Variants in MAD1L1 observed in about 807,000 individuals in gnomAD.
MAD1L1 encodes the protein mitotic arrest deficient 1 like 1, also known as mitotic spindle assembly checkpoint protein MAD1.
In MAD1L1, 95 loss-of-function variants were observed where a neutral mutation model predicts 96.9. That is an observed-to-expected ratio of 0.98 (90% CI 0.83 to 1.16). The LOEUF is 1.16. MAD1L1 is among the 50% of genes most tolerant of loss of function. MAD1L1 has a pLI of 0.00. For synonymous variants in MAD1L1, 473 were observed against 396.6 expected (o/e 1.19, Z -2.29); for missense variants, 1,007 against 954.4 (o/e 1.06, Z -0.73).
intron 11 of MAD1L1, among the ~76,000 whole-genome samples, chr7:2,144,907 A>G (rs1387841739): frequency 6.6e-6 from 1 of 152,188 alleles, no homozygotes; most frequent in Non-Finnish European, 1.5e-5. Context: ...AAAGAGGCCC[A>G]GGATCTCTGA....
intron 11 of MAD1L1, among the ~76,000 whole-genome samples, chr7:2,128,124 T>A (rs1788326048): frequency 6.6e-6 from 1 of 152,220 alleles, no homozygotes; most frequent in Non-Finnish European, 1.5e-5. Context: ...GAGGAGCTGC[T>A]GACGCCCTCC....
intron 12 of MAD1L1, among the ~76,000 whole-genome samples, chr7:2,052,651 C>T (rs748704935): frequency 6.6e-6 from 1 of 152,180 alleles, no homozygotes; most frequent in Non-Finnish European, 1.5e-5. Flanking sequence ...CAGGTCATAC[C>T]TATCCTTTTT....
intron 11 of MAD1L1, among the ~76,000 whole-genome samples, chr7:2,140,795 A>G (rs2128574312): frequency 6.6e-6 from 1 of 152,342 alleles, no homozygotes; most frequent in South Asian, 2.1e-4. Flanking sequence ...ACAATCTCCT[A>G]TGGCAACTGC....
intron 16 of MAD1L1, among the ~76,000 whole-genome samples, chr7:1,937,324 G>A (rs1354339661): frequency 1.3e-5 from 2 of 152,200 alleles, no homozygotes; most frequent in East Asian, 1.9e-4. Flanking sequence ...CCTGGAAGGT[G>A]CCCCGTGCCA....
intron 16 of MAD1L1, among the ~76,000 whole-genome samples, chr7:1,943,569 G>C (rs1779096772): frequency 6.6e-6 from 1 of 152,194 alleles, no homozygotes; most frequent in South Asian, 2.1e-4. Context: ...TCACAGCCAG[G>C]TATCACTTTG....
chr7:1,904,233 C>G (rs562683811), intron 17 of MAD1L1, among the ~76,000 whole-genome samples: 1 of 144,748 alleles, frequency 6.9e-6, no homozygotes, highest in African/African-American at 2.8e-5. Context: ...ATTGAAGAAG[C>G]TCTTGCGGAA....
At chr7:1,994,647 C>T (rs1156303174) in intron 14 of MAD1L1, among the ~76,000 whole-genome samples, 1 of 152,036 alleles carries the variant, frequency 6.6e-6, no homozygotes, top group Non-Finnish European at 1.5e-5. Context: ...GGCCACCGGG[C>T]GGAGCCTCGG....
chr7:2,145,543 A>C (rs919617141), intron 11 of MAD1L1, among the ~76,000 whole-genome samples: 3 of 152,260 alleles, frequency 2.0e-5, no homozygotes, highest in African/African-American at 7.2e-5. Context: ...CAATGCTAGG[A>C]AAATTCCTTC....
At chr7:2,090,005 G>A (rs56143050) in intron 11 of MAD1L1, among the ~76,000 whole-genome samples, 4,118 of 152,328 alleles carry the variant, frequency 0.027, 96 homozygotes, top group South Asian at 0.089. Flanking sequence ...GCTATGCAAC[G>A]AAAGCTTTGA....
intron 18 of MAD1L1, among the ~76,000 whole-genome samples, chr7:1,828,141 C>A (rs188763269): frequency 1.3e-5 from 2 of 152,034 alleles, no homozygotes; most frequent in African/African-American, 4.8e-5. Flanking sequence ...CCTCAGAGGG[C>A]GGCCGGCAGC....
chr7:2,029,628 G>A (rs765550329), intron 12 of MAD1L1, among the ~76,000 whole-genome samples: 2 of 152,094 alleles, frequency 1.3e-5, no homozygotes, highest in Non-Finnish European at 2.9e-5. Flanking sequence ...GTGGTTGTAA[G>A]TCCCATTTAC....
At chr7:1,838,662 G>GA in intron 18 of MAD1L1, 3 of 432,276 alleles carry the variant, frequency 6.9e-6, no homozygotes, top group Admixed American at 4.9e-5. Context: ...GGCTGCCGAC[G>GA]GCTGGGACTG....
intron 11 of MAD1L1, among the ~76,000 whole-genome samples, chr7:2,087,714 G>C (rs1451497996): frequency 6.6e-6 from 1 of 152,192 alleles, no homozygotes; most frequent in African/African-American, 2.4e-5. Context: ...CTTGGGAAGA[G>C]ACAGGATCCT....
At position 1,941,776 on chromosome 7, in the gene MAD1L1, G is replaced by A. The variant is rs764103791; in HGVS notation, c.1597-4879C>T. On this transcript the variant is annotated intron_variant, in intron 16 of 18. Coordinates refer to ENST00000265854, the MANE Select transcript of MAD1L1 (RefSeq NM_001013836.2). ...TGCGGCTGGGGCTGGAGCGACCTGC[G>A]ATGGCACCGCTGACCAGGGCTGAGA... Among the ~76,000 whole-genome samples, 8 of 152,352 alleles carry A rather than the reference G, an allele frequency of 5.3e-5. No individual in the cohort carries two copies. The South Asian group carries it at 6.2e-4, about 12-fold the overall frequency.
At chr7:1,880,925 G>A (rs1364562966) in intron 18 of MAD1L1, among the ~76,000 whole-genome samples, 1 of 152,252 alleles carries the variant, frequency 6.6e-6, no homozygotes, top group Non-Finnish European at 1.5e-5. Flanking sequence ...GGAGCCTGGA[G>A]CCTGGAGGGG....
intron 17 of MAD1L1, among the ~76,000 whole-genome samples, chr7:1,899,934 C>G (rs997163809): frequency 5.3e-5 from 8 of 152,340 alleles, no homozygotes; most frequent in Middle Eastern, 3.4e-3. Flanking sequence ...GGTTTCAGCT[C>G]GGCTCTGCCT....
rs956305975 is a variant in MAD1L1 at position 1,839,798 on chromosome 7, G to A, written c.1999-23570C>T. 8.6e-5 allele frequency among the ~76,000 whole-genome samples: 13 copies of A among 151,500 alleles called. No homozygotes were observed. In the East Asian group the frequency reaches 2.3e-3, roughly 27 times the overall value. On this transcript the variant is annotated intron_variant, in intron 18 of 18. Coordinates refer to ENST00000265854, the MANE Select transcript of MAD1L1 (RefSeq NM_001013836.2). ...GACCATCTGGATGGAGGATGGGGCT[G>A]GTCCTGGCTTCTCACAGCTTGGGAG...
intron 10 of MAD1L1, among the ~76,000 whole-genome samples, chr7:2,189,204 C>T (rs1301685493): frequency 6.6e-6 from 1 of 152,124 alleles, no homozygotes; most frequent in African/African-American, 2.4e-5. Context: ...GAAACTGGAA[C>T]TCCTGTGCAC....
intron 18 of MAD1L1, among the ~76,000 whole-genome samples, chr7:1,878,360 G>C (rs1785493593): frequency 6.6e-6 from 1 of 151,952 alleles, no homozygotes; most frequent in South Asian, 2.1e-4. Context: ...CACATTACAA[G>C]AAAAACTAAA....
Sources: allele counts gnomAD v4.1 joint callset (sites outside exome capture counted in the v4.1 genomes callset), GRCh38; gene constraint gnomAD v4.1.1; transcripts MANE v1.5; gene names NCBI Gene and HGNC (gene_info 2026-07-23, HGNC 2026-07-21).